Variants in SLC1A7 observed in about 807,000 individuals in gnomAD.
The protein encoded by SLC1A7 is excitatory amino acid transporter 5.
In SLC1A7, 40 loss-of-function variants were observed where a neutral mutation model predicts 47.7. The observed-to-expected ratio is 0.84, with a 90% CI of 0.65 to 1.09. The LOEUF (loss-of-function observed/expected upper bound fraction) is 1.09, where lower values mean the gene tolerates loss of function less well. SLC1A7 is among the 50% of genes least tolerant of loss of function. The pLI is 0.00. For missense variants in SLC1A7, 746 were observed against 769.5 expected (o/e 0.97, Z 0.36); for synonymous variants, 323 against 325.6 (o/e 0.99, Z 0.09).
rs769472543 is a variant in SLC1A7 at position 53,093,545 on chromosome 1, C to T, written c.713G>A (p.Arg238His). The change falls in exon 6 of 11, where the codon CGC (arginine) becomes CAC (histidine). Residue 238 changes from arginine to histidine, a missense_variant. Transcript: ENST00000371494. ...CAGGGGGGCCCCGCTGTCACCCATGCGGCCCAGCATGATGCCTGCGGGTCA... is the reference window on the plus strand; with the variant it reads ...CAGGGGGGCCCCGCTGTCACCCATGTGGCCCAGCATGATGCCTGCGGGTCA... ...FSATMGIMLG[R>H]MGDSGAPLVS... is the part of the protein sequence containing the mutation. 14 of 1,604,996 alleles carry T rather than the reference C, an allele frequency of 8.7e-6. No homozygotes were observed. The highest frequency in any genetic ancestry group is 3.3e-5 in the South Asian group (3 of 90,166).
chr1:53,088,115 G>T lies in SLC1A7; in HGVS notation c.1577C>A (p.Thr526Asn). 6.2e-7 allele frequency: 1 copy of T among 1,612,946 alleles called. No individual in the cohort carries two copies. The highest frequency in any genetic ancestry group is 8.5e-7 in the Non-Finnish European group (1 of 1,179,338). ...TTGAACGGGGACGTGGTGGGGGCAG[G>T]TGGGGCCCAGGGTGAGCTCGGAGGC... is the stretch of plus-strand genomic sequence containing the variant. ...AEASELTLGP[T>N]CPHHVPVQVE... The change falls in exon 11 of 11, where the codon ACC becomes AAC. Residue 526 changes from threonine (T) to asparagine (N), a missense_variant. Thr to Asn is a moderately conservative substitution (Grantham distance 65, BLOSUM62 0). Transcript: ENST00000371494.
chr1:53,137,854 A>G (rs1645017303), intron 1 of SLC1A7, among the ~76,000 whole-genome samples: 1 of 152,166 alleles, frequency 6.6e-6, no homozygotes, highest in Non-Finnish European at 1.5e-5. Context: ...CTCTAGGCCC[A>G]GTGCTTGTCA....
intron 3 of SLC1A7, among the ~76,000 whole-genome samples, chr1:53,109,668 C>G (rs957567063): frequency 2.0e-5 from 3 of 152,196 alleles, no homozygotes; most frequent in Non-Finnish European, 4.4e-5. Context: ...TCTTCAGCAC[C>G]TGGTAGGCAC....
chr1:53,131,064 C>T (rs967586408), intron 2 of SLC1A7, among the ~76,000 whole-genome samples: 5 of 152,228 alleles, frequency 3.3e-5, no homozygotes, highest in African/African-American at 1.2e-4. Flanking sequence ...TTGCTCTGCA[C>T]CAGTCCAAAC....
chr1:53,088,297 C>T lies in SLC1A7; in HGVS notation c.1465-70G>A, dbSNP rs975352392. ...GTTAGATACGAGGGAGGACTGAGGG[C>T]CAGTGGGGCAGAATGAGCTCAGGGC... On this transcript the variant is annotated intron_variant, in intron 10 of 10. Coordinates refer to ENST00000371494, the MANE Select transcript of SLC1A7 (RefSeq NM_006671.6). 2.3e-6 allele frequency: 3 copies of T among 1,283,148 alleles called. No homozygotes were observed. The African/African-American group carries it at 4.4e-5, about 19-fold the overall frequency. The allele number at this position is 1,283,148 out of a possible 1,614,324, so 79.5% of individuals were successfully genotyped here.
intron 1 of SLC1A7, among the ~76,000 whole-genome samples, chr1:53,137,081 G>C (rs889192946): frequency 6.6e-6 from 1 of 152,140 alleles, no homozygotes; most frequent in Admixed American, 6.5e-5. Context: ...GAGGTTAAGA[G>C]TTCGAGACCA....
chr1:53,100,387 C>G (rs945827758), intron 5 of SLC1A7, among the ~76,000 whole-genome samples: 1 of 151,918 alleles, frequency 6.6e-6, no homozygotes, highest in South Asian at 2.1e-4. Flanking sequence ...CCTCGGTACA[C>G]TCACACACCC....
rs75067547 is a variant in SLC1A7, at chr1:53,117,469, C to T, written c.216-2496G>A. Among the ~76,000 whole-genome samples, 609 of 152,302 alleles carry T rather than the reference C, an allele frequency of 4.0e-3. 4 individuals carry two copies. The highest frequency in any genetic ancestry group is 0.014 in the African/African-American group (580 of 41,556). ...AGTACTTGTAAGATCAAAAACCTGA[C>T]CTAAGAACTCACCAATGCAGATTAG... On this transcript the variant is annotated intron_variant, in intron 2 of 10. Coordinates refer to ENST00000371494, the MANE Select transcript of SLC1A7 (RefSeq NM_006671.6).
chr1:53,136,649 A>ATTT (rs1645001888), intron 1 of SLC1A7, among the ~76,000 whole-genome samples: 2 of 88,644 alleles, frequency 2.3e-5, no homozygotes, highest in African/African-American at 9.0e-5. Context: ...AAACATATAT[A>ATTT]TATTATATAT....
intron 1 of SLC1A7, among the ~76,000 whole-genome samples, chr1:53,136,666 ATT>A (rs58852734): frequency 0.67 from 70,398 of 104,738 alleles, 23,592 homozygotes; most frequent in East Asian, 0.91. Context: ...ATATATATAT[ATT>A]TTTTTTTTTT....
intron 4 of SLC1A7, among the ~76,000 whole-genome samples, chr1:53,105,436 T>C (rs1475970869): frequency 6.6e-6 from 1 of 152,182 alleles, no homozygotes; most frequent in Non-Finnish European, 1.5e-5. Flanking sequence ...AGTGCCGAGT[T>C]ACTGTGTGGA....
At chr1:53,136,619 T>TTATATAATATATAA (rs1645000235) in intron 1 of SLC1A7, among the ~76,000 whole-genome samples, 1 of 107,290 alleles carries the variant, frequency 9.3e-6, no homozygotes, top group African/African-American at 3.5e-5. Context: ...ATAATATATA[T>TTATATAATATATAA]AAACATATAT....
chr1:53,093,405 T>G, intron 6 of SLC1A7, 56 bp downstream of exon 6: 1 of 1,367,030 alleles, frequency 7.3e-7, no homozygotes, highest in Non-Finnish European at 1.0e-6. Flanking sequence ...GGGTCTTGTC[T>G]TCCCTCCATC....
chr1:53,091,358 C>T (rs1644419527), intron 7 of SLC1A7, among the ~76,000 whole-genome samples: 1 of 152,124 alleles, frequency 6.6e-6, no homozygotes, highest in Non-Finnish European at 1.5e-5. Context: ...CCGGTGTGGC[C>T]CCTGTGTCTT....
At chr1:53,107,579 A>AACTC (rs147368628) in intron 3 of SLC1A7, among the ~76,000 whole-genome samples, 2 of 482 alleles carry the variant, frequency 4.1e-3, no homozygotes, top group African/African-American at 5.8e-3. Context: ...ATGCTTGAGA[A>AACTC]GCTAAGACAG....
intron 2 of SLC1A7, 23 bp from the exon 3 acceptor site, chr1:53,114,996 G>A (rs375822545): frequency 1.9e-6 from 3 of 1,591,308 alleles, no homozygotes; most frequent in African/African-American, 2.7e-5. Context: ...GGGGGTCAGG[G>A]GCTGTGGTGG....
At chr1:53,137,287 C>CAAAAAAAAAAA (rs60113708) in intron 1 of SLC1A7, among the ~76,000 whole-genome samples, 18,572 of 99,174 alleles carry the variant, frequency 0.19, 1,802 homozygotes, top group Middle Eastern at 0.28. Flanking sequence ...ACGCTATCTC[C>CAAAAAAAAAAA]AAAAAAAAAA....
intron 1 of SLC1A7, among the ~76,000 whole-genome samples, chr1:53,135,215 G>T (rs1438733125): frequency 6.6e-6 from 1 of 152,180 alleles, no homozygotes. Context: ...AGAGGACAGA[G>T]CCGAGTACTG....
chr1:53,120,311 G>A (rs1418016529), intron 2 of SLC1A7, among the ~76,000 whole-genome samples: 2 of 152,144 alleles, frequency 1.3e-5, no homozygotes, highest in Non-Finnish European at 2.9e-5. Context: ...TGGTTACAAA[G>A]GTGAGGGATT....
Sources: allele counts gnomAD v4.1 joint callset (sites outside exome capture counted in the v4.1 genomes callset), GRCh38; gene constraint gnomAD v4.1.1; transcripts MANE v1.5; gene names NCBI Gene and HGNC (gene_info 2026-07-23, HGNC 2026-07-21).